Variants in TPMT observed in about 807,000 individuals in gnomAD.
TPMT encodes S-adenosyl-L-methionine:thiopurine S-methyltransferase.
A neutral mutation model predicts 34.2 loss-of-function variants in TPMT; 18 were observed. The observed-to-expected ratio is 0.53, with a 90% CI of 0.36 to 0.78. The LOEUF (loss-of-function observed/expected upper bound fraction) is 0.78, where lower values mean the gene tolerates loss of function less well. Among genes scored for constraint, TPMT ranks in the 30% least tolerant of loss-of-function variants. The pLI, the probability that TPMT is intolerant of heterozygous loss-of-function variation, is 0.00. For missense variants in TPMT, 265 were observed against 288.1 expected (o/e 0.92, Z 0.58); for synonymous variants, 69 against 92.4 (o/e 0.75, Z 1.45).
In TPMT at chr6:18,154,235, A is replaced by C. The variant is rs1784425802; in HGVS notation, c.-45+798T>G. Among the ~76,000 whole-genome samples, 1 of 152,360 alleles carries C rather than the reference A, an allele frequency of 6.6e-6. No homozygotes were observed. Among genetic ancestry groups the C allele is most frequent in the Non-Finnish European group, 1.5e-5 (1 of 68,036 alleles). The stretch of plus-strand genomic sequence containing the variant: ...TAGAGAAATAAAGTTTATTTCTATA[A>C]TACAAAAAAAGTGCACATTACAAGA... On this transcript the variant is annotated intron_variant, in intron 1 of 8. Coordinates refer to ENST00000309983, the MANE Select transcript of TPMT (RefSeq NM_000367.5). The surrounding 1 kb of genome is among the most constrained non-coding windows in gnomAD (Gnocchi z 4.2).
chr6:18,141,339 ATTT>A (rs531739139), intron 4 of TPMT, among the ~76,000 whole-genome samples: 2 of 137,932 alleles, frequency 1.4e-5, no homozygotes. Flanking sequence ...CTGAGCAACA[ATTT>A]TTTTTTTTTT....
intron 6 of TPMT, among the ~76,000 whole-genome samples, chr6:18,134,636 C>CA (rs1415771898): frequency 1.3e-5 from 2 of 152,282 alleles, no homozygotes; most frequent in East Asian, 3.9e-4. Context: ...GGACCAGGTA[C>CA]AGACGATGAG....
In TPMT at chr6:18,146,184, A is replaced by AT. The variant is rs780058700; in HGVS notation, c.233+1638_233+1639insA. Among the ~76,000 whole-genome samples the AT allele has an allele frequency of 0.025, 3,848 of 151,622 alleles. 69 individuals carry two copies. The highest frequency in any genetic ancestry group is 0.038 in the Non-Finnish European group (2,568 of 67,916). ...CTCAGTTCATATATATATATACATA[A>AT]AAATAACTGTATTTACGTATATATA... On this transcript the variant is annotated intron_variant, in intron 3 of 8. Coordinates refer to ENST00000309983, the MANE Select transcript of TPMT (RefSeq NM_000367.5). This position sits in a 1 kb window ranked among gnomAD's most constrained non-coding sequence, Gnocchi z 6.2.
chr6:18,151,184 CTT>C (rs55751001), intron 1 of TPMT, among the ~76,000 whole-genome samples: 5,534 of 130,314 alleles, frequency 0.042, 130 homozygotes, highest in African/African-American at 0.1. Flanking sequence ...CTTCTTCTCT[CTT>C]TTTTTTTTTT....
Position 18,139,756 on chromosome 6 carries a change from CTTAG to C in TPMT, c.367-43_367-40del, listed in dbSNP as rs780737465. ...ATGAAAAAAAAATTTTTTTTTTTTA[CTTAG>C]TAAGTACTTGAATAGTCAAGGAAAG... On this transcript the variant is annotated intron_variant, in intron 4 of 8. Transcript: ENST00000309983. This position sits in a 1 kb window ranked among gnomAD's most constrained non-coding sequence, Gnocchi z 4.2. The C allele has an allele frequency of 2.9e-6, 4 of 1,393,294 alleles. No individual in the cohort carries two copies. The highest frequency in any genetic ancestry group is 4.0e-6 in the Non-Finnish European group (4 of 993,052). The allele number at this position is 1,393,294 out of a possible 1,614,324, so 86.3% of individuals were successfully genotyped here. A position where few individuals can be genotyped will look rare whatever the true frequency, so the allele number is the denominator to read the frequency against.
In TPMT at chr6:18,139,163, T is replaced by G; in HGVS notation, c.420-126A>C. 1.1e-6 allele frequency: 1 copy of G among 889,564 alleles called. No individual in the cohort carries two copies. The highest frequency in any genetic ancestry group is 1.9e-5 in the Admixed American group (1 of 53,242). The allele number at this position is 889,564 out of a possible 1,614,324, so 55.1% of individuals were successfully genotyped here. ...AGGTATTAGGATCTCACGTCTGCGT[T>G]TCCTCCTAGAGGAATGTGTGGACCT... On this transcript the variant is annotated intron_variant, in intron 5 of 8. Coordinates refer to ENST00000309983, the MANE Select transcript of TPMT (RefSeq NM_000367.5). The surrounding 1 kb of genome is among the most constrained non-coding windows in gnomAD (Gnocchi z 4.2).
In TPMT at chr6:18,138,899, C is replaced by T; in HGVS notation, c.494+64G>A. On this transcript the variant is annotated intron_variant, in intron 6 of 8. Transcript: ENST00000309983. This position sits in a 1 kb window ranked among gnomAD's most constrained non-coding sequence, Gnocchi z 4.1. ...AGAAGTCTAAGCTGATTTTCTAGAA[C>T]CCAGAAAAAGTATAGTATACTAAAA... The T allele has an allele frequency of 7.4e-7, 1 of 1,356,982 alleles. No individual in the cohort carries two copies. The highest frequency in any genetic ancestry group is 1.9e-5 in the Admixed American group (1 of 53,574). 84.1% of individuals were successfully genotyped at this position (1,356,982 alleles called of 1,614,324 possible). A position where few individuals can be genotyped will look rare whatever the true frequency, so the allele number is the denominator to read the frequency against.
intron 1 of TPMT, among the ~76,000 whole-genome samples, chr6:18,151,795 T>C (rs150562760): frequency 0.013 from 1,930 of 152,134 alleles, 19 homozygotes; most frequent in Non-Finnish European, 0.018. Context: ...AGACTTTCCA[T>C]AGATGGATCT....
rs141028204 is a variant in TPMT at position 18,155,054 on chromosome 6, G to A, written c.-66C>T. 520 of 152,744 alleles carry A rather than the reference G, an allele frequency of 3.4e-3. 1 individual carries two copies. In the Middle Eastern group the frequency reaches 0.041, roughly 12 times the overall value. The allele number at this position is 152,744 out of a possible 1,614,324, so 9.5% of individuals were successfully genotyped here. Reference sequence around the variant, plus strand: ...CTACCTCGCTTACAGCTGGTTGCCGGCCATTGCCTCCGCCACCAATGACGT... The same window carrying A: ...CTACCTCGCTTACAGCTGGTTGCCGACCATTGCCTCCGCCACCAATGACGT... On this transcript the variant is annotated 5_prime_UTR_variant, in exon 1 of 9. Transcript: ENST00000309983. The surrounding 1 kb of genome is among the most constrained non-coding windows in gnomAD (Gnocchi z 6.2).
chr6:18,139,090 G>A lies in TPMT; in HGVS notation c.420-53C>T. The A allele has an allele frequency of 6.8e-7, 1 of 1,474,052 alleles. No homozygotes were observed. The highest frequency in any genetic ancestry group is 9.5e-7 in the Non-Finnish European group (1 of 1,052,004). The allele number at this position is 1,474,052 out of a possible 1,614,324, so 91.3% of individuals were successfully genotyped here. A position where few individuals can be genotyped will look rare whatever the true frequency, so the allele number is the denominator to read the frequency against. ...GGGAGAAAAATCAAATCTTTAAGAA[G>A]ATGAGCAGCGTCCCCCATGGTGCAT... On this transcript the variant is annotated intron_variant, in intron 5 of 8. Coordinates refer to ENST00000309983, the MANE Select transcript of TPMT (RefSeq NM_000367.5). This position sits in a 1 kb window ranked among gnomAD's most constrained non-coding sequence, Gnocchi z 4.2.
chr6:18,136,561 G>C lies in TPMT; in HGVS notation c.494+2402C>G, dbSNP rs1784043342. Among the ~76,000 whole-genome samples, 3 of 152,214 alleles carry C rather than the reference G, an allele frequency of 2.0e-5. No homozygotes were observed. Among genetic ancestry groups the C allele is most frequent in the Admixed American group, 1.3e-4 (2 of 15,280 alleles). On this transcript the variant is annotated intron_variant, in intron 6 of 8. Transcript: ENST00000309983. This position sits in a 1 kb window ranked among gnomAD's most constrained non-coding sequence, Gnocchi z 4.7. ...GTGGTGGCTTACACCTCTAATCCCA[G>C]CACCGGGTGGCCGAGGCGGGTGGAT...
At chr6:18,142,699 A>G (rs1183431810) in intron 4 of TPMT, among the ~76,000 whole-genome samples, 1 of 151,998 alleles carries the variant, frequency 6.6e-6, no homozygotes, top group Non-Finnish European at 1.5e-5. Flanking sequence ...TGCTTCAGAC[A>G]TAAAACCTTC....
chr6:18,134,242 T>A (rs1430369642), intron 6 of TPMT, among the ~76,000 whole-genome samples: 1 of 152,076 alleles, frequency 6.6e-6, no homozygotes, highest in East Asian at 1.9e-4. Context: ...GACAGTGGTT[T>A]CTAGACCAGG....
In TPMT at chr6:18,148,036, C is replaced by T; in HGVS notation, c.141-121G>A. 1 of 764,984 alleles carries T rather than the reference C, an allele frequency of 1.3e-6. No homozygotes were observed. The highest frequency in any genetic ancestry group is 2.4e-5 in the Admixed American group (1 of 41,284). The allele number at this position is 764,984 out of a possible 1,614,324, so 47.4% of individuals were successfully genotyped here. A position where few individuals can be genotyped will look rare whatever the true frequency, so the allele number is the denominator to read the frequency against. ...AGCAGTTACTATTAATTATTATAAT[C>T]TCCAGCTTACATATGAAGAAACAGG... On this transcript the variant is annotated intron_variant, in intron 2 of 8. Coordinates refer to ENST00000309983, the MANE Select transcript of TPMT (RefSeq NM_000367.5). The surrounding 1 kb of genome is among the most constrained non-coding windows in gnomAD (Gnocchi z 4.1).
rs1242256948 is a variant in TPMT at position 18,146,388 on chromosome 6, T to G, written c.233+1435A>C. On this transcript the variant is annotated intron_variant, in intron 3 of 8. Coordinates refer to ENST00000309983, the MANE Select transcript of TPMT (RefSeq NM_000367.5). This position sits in a 1 kb window ranked among gnomAD's most constrained non-coding sequence, Gnocchi z 6.2. ...CTAATTTTTGTATTTTTAGTAGAGA[T>G]GGGTTTTCACCATGTTGGCCAGGCT... is the stretch of plus-strand genomic sequence containing the variant. Among the ~76,000 whole-genome samples, 1 of 152,028 alleles carries G rather than the reference T, an allele frequency of 6.6e-6. No individual in the cohort carries two copies. The highest frequency in any genetic ancestry group is 1.5e-5 in the Non-Finnish European group (1 of 67,986).
In TPMT at chr6:18,139,859, C is replaced by T. The variant is rs1274075880; in HGVS notation, c.367-142G>A. On this transcript the variant is annotated intron_variant, in intron 4 of 8. Transcript: ENST00000309983. This position sits in a 1 kb window ranked among gnomAD's most constrained non-coding sequence, Gnocchi z 4.2. Reference sequence around the variant, plus strand: ...ATAATTAAAGTAAATAATTTTACTGCACTTTATTGGCACCTTATTTTTTTC... The same window carrying T: ...ATAATTAAAGTAAATAATTTTACTGTACTTTATTGGCACCTTATTTTTTTC... 2 of 616,272 alleles carry T rather than the reference C, an allele frequency of 3.2e-6. No homozygotes were observed. Among genetic ancestry groups the T allele is most frequent in the South Asian group, 2.1e-5 (1 of 48,456 alleles). 38.2% of individuals were successfully genotyped at this position (616,272 alleles called of 1,614,324 possible).
chr6:18,143,833 T>G lies in TPMT; in HGVS notation c.234-105A>C. 7.1e-7 allele frequency: 1 copy of G among 1,403,178 alleles called. No homozygotes were observed. Among genetic ancestry groups the G allele is most frequent in the South Asian group, 1.2e-5 (1 of 80,730 alleles). 86.9% of individuals were successfully genotyped at this position (1,403,178 alleles called of 1,614,324 possible). Reference sequence around the variant, plus strand: ...TTTCTTTAATTTAGAGGAATTTATATGAATTCAGGTTCATAGGGTTTCAAA... The same window carrying G: ...TTTCTTTAATTTAGAGGAATTTATAGGAATTCAGGTTCATAGGGTTTCAAA... On this transcript the variant is annotated intron_variant, in intron 3 of 8. Coordinates refer to ENST00000309983, the MANE Select transcript of TPMT (RefSeq NM_000367.5). The surrounding 1 kb of genome is among the most constrained non-coding windows in gnomAD (Gnocchi z 6.1).
rs939341263 is a variant in TPMT, at chr6:18,135,342, T to C, written c.495-1453A>G. Among the ~76,000 whole-genome samples the C allele has an allele frequency of 1.3e-5, 2 of 152,170 alleles. No individual in the cohort carries two copies. The highest frequency in any genetic ancestry group is 1.3e-4 in the Admixed American group (2 of 15,272). ...TTCATTCCTCTTAGAATGTGAAGTT[T>C]TTCTCTCTCAACCAGTCTCAAAAAG... On this transcript the variant is annotated intron_variant, in intron 6 of 8. Transcript: ENST00000309983. The surrounding 1 kb of genome is among the most constrained non-coding windows in gnomAD (Gnocchi z 5.0).
intron 1 of TPMT, among the ~76,000 whole-genome samples, chr6:18,152,582 TCTTTCTTTCTTTTTTTTTTTTTTGAG>T (rs1050569491): frequency 2.2e-4 from 32 of 145,720 alleles, no homozygotes; most frequent in African/African-American, 8.4e-4. Flanking sequence ...TCTTTCCTTT[TCTTTCTTTCTTTTTTTTTTTTTTGAG>T]ATGGAGTTTC....
Sources: allele counts gnomAD v4.1 joint callset (sites outside exome capture counted in the v4.1 genomes callset), GRCh38; gene constraint gnomAD v4.1.1; non-coding constraint Gnocchi (gnomAD v3.1); transcripts MANE v1.5; gene names NCBI Gene and HGNC (gene_info 2026-07-23, HGNC 2026-07-21).